Variants in NPHP3 observed in about 807,000 individuals in gnomAD.
NPHP3 encodes nephrocystin 3.
In NPHP3, 123 loss-of-function variants were observed where a neutral mutation model predicts 171.9. The observed-to-expected ratio is 0.72, with a 90% CI of 0.62 to 0.83. The LOEUF (loss-of-function observed/expected upper bound fraction) is 0.83, where lower values mean the gene tolerates loss of function less well. Ranked by LOEUF, NPHP3 falls within the 40% of genes least tolerant of loss-of-function variation. The probability of loss-of-function intolerance (pLI) is 0.00; values close to 1 mark genes in which losing one functional copy is unlikely to be tolerated. For missense variants in NPHP3, 1,506 were observed against 1,591.9 expected, an observed-to-expected ratio of 0.95 and a Z score of 0.92; for synonymous variants, 558 against 579.2, an observed-to-expected ratio of 0.96 and a Z score of 0.52.
intron 6 of NPHP3, 109 bp downstream of exon 6, chr3:132,713,017 T>C (rs1199744408): frequency 5.4e-6 from 3 of 558,616 alleles, no homozygotes; most frequent in Admixed American, 3.7e-5. Flanking sequence ...ATTTCATGGA[T>C]TTTTTTATTA....
At chr3:132,688,385 A>G (rs1332477710) in intron 21 of NPHP3, among the ~76,000 whole-genome samples, 2 of 152,174 alleles carry the variant, frequency 1.3e-5, no homozygotes, top group African/African-American at 2.4e-5. Flanking sequence ...TACTAAACCT[A>G]TATTAGTAAA....
chr3:132,694,755 T>C (rs2107974407), intron 16 of NPHP3, 72 bp downstream of exon 16: 2 of 1,550,270 alleles, frequency 1.3e-6, no homozygotes, highest in Non-Finnish European at 1.8e-6. Context: ...TTTAAAAGAA[T>C]TGTTATTTAT....
rs767427222 is a variant in NPHP3 at position 132,694,807 on chromosome 3, A to G, written c.2310+20T>C. On this transcript the variant is annotated intron_variant, in intron 16 of 26. Transcript: ENST00000337331. ...ACAAAGCAAACTAACATTCCTTTTT[A>G]TAAGTTTATTACATTCTACCTGCTT... 2 of 1,611,224 alleles carry G rather than the reference A, an allele frequency of 1.2e-6. No homozygotes were observed. Among genetic ancestry groups the G allele is most frequent in the Admixed American group, 1.7e-5 (1 of 60,012 alleles).
intron 12 of NPHP3, 54 bp downstream of exon 12, chr3:132,699,864 T>C: frequency 1.3e-6 from 2 of 1,577,276 alleles, no homozygotes; most frequent in Non-Finnish European, 1.7e-6. Flanking sequence ...TAGCTATTAC[T>C]GAATTTACAT....
intron 25 of NPHP3, 84 bp downstream of exon 25, chr3:132,683,315 A>G: frequency 8.5e-7 from 1 of 1,180,760 alleles, no homozygotes; most frequent in South Asian, 1.2e-5. Context: ...CATTCTATTT[A>G]GTGTTCCCTA....
chr3:132,687,709 A>G lies in NPHP3; in HGVS notation c.3126-483T>C, dbSNP rs576786347. On this transcript the variant is annotated intron_variant, in intron 21 of 26. Coordinates refer to ENST00000337331, the MANE Select transcript of NPHP3 (RefSeq NM_153240.5). ...AAAATTTGTACGAAGCAATACTTCT[A>G]TAAGTTAAAAAATTCCATTATGTAT... Among the ~76,000 whole-genome samples the G allele has an allele frequency of 2.2e-4, 33 of 152,372 alleles. 1 individual carries two copies. The South Asian group carries it at 6.4e-3, about 30-fold the overall frequency.
In NPHP3 at chr3:132,692,732, C is replaced by T; in HGVS notation, c.2397G>A (p.Leu799=). The T allele has an allele frequency of 6.2e-7, 1 of 1,613,982 alleles. No individual in the cohort carries two copies. Among genetic ancestry groups the T allele is most frequent in the Non-Finnish European group, 8.5e-7 (1 of 1,179,904 alleles). ...ELYPEMSWTF[L]TSLIHSLYKM... ...TGTATAAACTGTGAATAAGGGAGGT[C>T]AAGAAAGTCCAGGACATCTCAGGAT... Residue 799 remains leucine (L), a synonymous_variant, in exon 17 of 27, where the codon TTG becomes TTA. Coordinates refer to ENST00000337331, the MANE Select transcript of NPHP3 (RefSeq NM_153240.5).
chr3:132,716,798 C>A lies in NPHP3; in HGVS notation c.782G>T (p.Ser261Ile). 6.2e-7 allele frequency: 1 copy of A among 1,614,182 alleles called. No homozygotes were observed. The highest frequency in any genetic ancestry group is 1.1e-5 in the South Asian group (1 of 91,090). Residue 261 changes from serine to isoleucine, a missense_variant, in exon 4 of 27, where the codon AGT (serine) becomes ATT (isoleucine). This residue lies in a region of NPHP3 where 930 missense variants were observed against 924.9 expected (regional missense o/e 1.01). Transcript: ENST00000337331. ...QSFRGPEFAH[S>I]SIDVEGPFAN... ...AAAGGGTCCTTCCACATCTATAGAA[C>A]TATGGGCAAACTCAGGGCCTCTGAA...
intron 19 of NPHP3, among the ~76,000 whole-genome samples, chr3:132,689,809 G>C (rs1228219540): frequency 6.6e-6 from 1 of 151,952 alleles, no homozygotes; most frequent in Non-Finnish European, 1.5e-5. Flanking sequence ...GTATGGGGCT[G>C]GTAAACTAAA....
At position 132,719,126 on chromosome 3, in the gene NPHP3, C is replaced by G. The variant is rs150540012; in HGVS notation, c.538G>C (p.Glu180Gln). ...CTCAGTAAGTCCTGAATTTCATTTT[C>G]TTTGGTCTCCCTAAAAATCTTTAAA... ...RQFKIFRETK[E>Q]NEIQDLLRAK... is the part of the protein sequence containing the mutation. Residue 180 changes from glutamate to glutamine, a missense_variant, in exon 3 of 27, where the codon GAA (glutamate) becomes CAA (glutamine). By Grantham distance (29) the Glu-to-Gln change is conservative (BLOSUM62 2). Around this residue, in one of 3 missense-constraint regions of NPHP3, gnomAD observed 930 missense variants for 924.9 expected, o/e 1.01. Transcript: ENST00000337331. 30 of 1,611,378 alleles carry G rather than the reference C, an allele frequency of 1.9e-5. No individual in the cohort carries two copies. Among genetic ancestry groups the G allele is most frequent in the Non-Finnish European group, 2.4e-5 (28 of 1,178,982 alleles).
rs183049702 is a variant in NPHP3 at position 132,694,871 on chromosome 3, G to A, written c.2266C>T (p.Arg756Trp). 1.7e-5 allele frequency: 27 copies of A among 1,613,610 alleles called. No homozygotes were observed. The highest frequency in any genetic ancestry group is 1.0e-4 in the Admixed American group (6 of 59,998). Residue 756 changes from arginine (R) to tryptophan (W), a missense_variant, in exon 16 of 27, where the codon CGG (arginine) becomes TGG (tryptophan). Around this residue, in one of 3 missense-constraint regions of NPHP3, gnomAD observed 930 missense variants for 924.9 expected, o/e 1.01. Transcript: ENST00000337331. Reference sequence around the variant, plus strand: ...TCCACATCATTTGCCATGGACTCCCGGATAGAGTGCAGAACAAGTCTATAT... The same window carrying A: ...TCCACATCATTTGCCATGGACTCCCAGATAGAGTGCAGAACAAGTCTATAT... ...SLYRLVLHSI[R>W]ESMANDVDKE...
chr3:132,715,490 C>T (rs1338220090), intron 4 of NPHP3, among the ~76,000 whole-genome samples: 7 of 152,198 alleles, frequency 4.6e-5, no homozygotes, highest in Non-Finnish European at 8.8e-5. Context: ...ACATGAGTTA[C>T]TCAATTAGTT....
chr3:132,698,424 C>T (rs1320878769), intron 13 of NPHP3, among the ~76,000 whole-genome samples: 1 of 151,994 alleles, frequency 6.6e-6, no homozygotes, highest in Non-Finnish European at 1.5e-5. Flanking sequence ...ATTACAAGCA[C>T]CCGCCACCAT....
chr3:132,717,219 A>C (rs1940078279), intron 3 of NPHP3: 1 of 320,840 alleles, frequency 3.1e-6, no homozygotes, highest in African/African-American at 2.2e-5. Context: ...AATTCTAAAA[A>C]ACATTTCCAA....
intron 20 of NPHP3, 56 bp from the exon 21 acceptor site, chr3:132,688,947 G>A (rs1368642863): frequency 6.8e-6 from 11 of 1,613,082 alleles, no homozygotes; most frequent in Admixed American, 1.7e-5. Flanking sequence ...TGCAAGATCT[G>A]TCATCTGATT....
At chr3:132,697,384 A>C (rs1939483273) in intron 13 of NPHP3, 22 bp from the exon 14 acceptor site, 4 of 1,502,778 alleles carry the variant, frequency 2.7e-6, no homozygotes, top group African/African-American at 1.4e-5. Flanking sequence ...AGAAAAGAAA[A>C]ATGAAATTTT....
chr3:132,713,324 TTAAC>T (rs1206652895), intron 5 of NPHP3, 38 bp from the exon 6 acceptor site: 4 of 1,437,236 alleles, frequency 2.8e-6, no homozygotes, highest in Non-Finnish European at 3.9e-6. Context: ...TTTAATGTAT[TTAAC>T]TAAAGATCAA....
chr3:132,714,552 T>G (rs1939995350), intron 5 of NPHP3, among the ~76,000 whole-genome samples: 1 of 140,430 alleles, frequency 7.1e-6, no homozygotes, highest in African/African-American at 2.7e-5. Flanking sequence ...TCACTTTCTC[T>G]GCAAAAAAAA....
chr3:132,682,834 G>T lies in NPHP3; in HGVS notation c.3697-16C>A, dbSNP rs2107961469. On this transcript the variant is annotated splice_polypyrimidine_tract_variant and intron_variant, in intron 25 of 26. Coordinates refer to ENST00000337331, the MANE Select transcript of NPHP3 (RefSeq NM_153240.5). ...CGTGTTTTTTCTTATTAAAAAAAAT[G>T]ATAATGCTCATGCACACTGGGTTTC... The T allele has an allele frequency of 3.4e-6, 5 of 1,473,192 alleles. No individual in the cohort carries two copies. The highest frequency in any genetic ancestry group is 4.8e-6 in the Non-Finnish European group (5 of 1,051,806). The allele number at this position is 1,473,192 out of a possible 1,614,324, so 91.3% of individuals were successfully genotyped here.
Sources: gnomAD v4.1 joint callset for allele counts (sites outside exome capture counted in the v4.1 genomes callset) on GRCh38, gnomAD v4.1.1 for gene constraint, gnomAD v4.1.1 regional missense constraint, MANE v1.5 for transcripts, NCBI Gene and HGNC (gene_info 2026-07-23, HGNC 2026-07-21) for gene names.